The following PEX14 variants were observed in gnomAD, a reference collection of about 807,000 sequenced individuals.
The protein encoded by PEX14 is peroxisomal biogenesis factor 14.
Under a neutral mutation model 49.5 loss-of-function variants are expected in PEX14, and 15 were observed. That is an observed-to-expected ratio of 0.30 (90% confidence interval 0.20 to 0.47). The LOEUF (loss-of-function observed/expected upper bound fraction) is 0.47, where lower values mean the gene tolerates loss of function less well. Among genes scored for constraint, PEX14 ranks in the 20% least tolerant of loss-of-function variants. The probability of loss-of-function intolerance (pLI) is 1.00; values close to 1 mark genes in which losing one functional copy is unlikely to be tolerated. For synonymous variants in PEX14, 210 were observed against 212.7 expected, an observed-to-expected ratio of 0.99 and a Z score of 0.11; for missense variants, 398 against 494.8, an observed-to-expected ratio of 0.80 and a Z score of 1.86.
intron 3 of PEX14, among the ~76,000 whole-genome samples, chr1:10,536,730 G>T (rs1028235050): frequency 6.6e-6 from 1 of 152,190 alleles, no homozygotes; most frequent in African/African-American, 2.4e-5. Flanking sequence ...ACAAGGTCAG[G>T]TTAAACTCAA....
intron 2 of PEX14, among the ~76,000 whole-genome samples, chr1:10,508,992 A>G (rs1173400543): frequency 2.0e-5 from 3 of 151,354 alleles, no homozygotes; most frequent in Non-Finnish European, 2.9e-5. Context: ...GCTAGAGTGC[A>G]GTGGTGCGAT....
At position 10,599,349 on chromosome 1, in the gene PEX14, T is replaced by A. The variant is rs1640920550; in HGVS notation, c.281T>A (p.Leu94His). 1 of 1,614,014 alleles carries A rather than the reference T, an allele frequency of 6.2e-7. No homozygotes were observed. Among genetic ancestry groups the A allele is most frequent in the African/African-American group, 1.3e-5 (1 of 74,910 alleles). ...TQVVPVQPPH[L>H]ISQPYSPAGS... Reference sequence around the variant, plus strand: ...GTGGTTCCTGTCCAGCCCCCTCACCTCATATCTCAGCCATACAGTAAGTCA... The same window carrying A: ...GTGGTTCCTGTCCAGCCCCCTCACCACATATCTCAGCCATACAGTAAGTCA... The change falls in exon 4 of 9, where the codon CTC becomes CAC. Residue 94 changes from leucine (L) to histidine (H), a missense_variant. Around this residue, in one of 3 missense-constraint regions of PEX14, gnomAD observed 202 missense variants for 298.5 expected, o/e 0.68. Transcript: ENST00000356607.
chr1:10,560,436 T>A (rs1236153046), intron 3 of PEX14, among the ~76,000 whole-genome samples: 1 of 152,176 alleles, frequency 6.6e-6, no homozygotes, highest in Admixed American at 6.5e-5. Context: ...TTTTCTTTCT[T>A]TCTTTTTTGG....
At chr1:10,614,057 A>C (rs901540017) in intron 4 of PEX14, among the ~76,000 whole-genome samples, 1 of 152,208 alleles carries the variant, frequency 6.6e-6, no homozygotes, top group African/African-American at 2.4e-5. Flanking sequence ...CAGACTTGGA[A>C]AAAATAGGCC....
chr1:10,619,479 G>A (rs911469146), intron 5 of PEX14, among the ~76,000 whole-genome samples: 1 of 152,004 alleles, frequency 6.6e-6, no homozygotes, highest in Admixed American at 6.6e-5. Flanking sequence ...TGCATGCCTG[G>A]CTAATTTTTG....
chr1:10,512,819 T>C lies in PEX14; in HGVS notation c.84+17498T>C, dbSNP rs1170105391. Among the ~76,000 whole-genome samples, 3 of 152,166 alleles carry C rather than the reference T, an allele frequency of 2.0e-5. No individual in the cohort carries two copies. The South Asian group carries it at 6.2e-4, about 31-fold the overall frequency. ...GTTCAAGCGATTCCCTGCCTCAGCCTCCTGAGTAGCTGGGACTACAGGCGT... is the reference window on the plus strand; with the variant it reads ...GTTCAAGCGATTCCCTGCCTCAGCCCCCTGAGTAGCTGGGACTACAGGCGT... On this transcript the variant is annotated intron_variant, in intron 2 of 8. Transcript: ENST00000356607. The surrounding 1 kb of genome is among the most constrained non-coding windows in gnomAD (Gnocchi z 4.6).
intron 2 of PEX14, among the ~76,000 whole-genome samples, chr1:10,531,867 G>T (rs1485443634): frequency 6.6e-6 from 1 of 152,102 alleles, no homozygotes; most frequent in Non-Finnish European, 1.5e-5. Flanking sequence ...CTGTCCTCCT[G>T]TCCCCCTCGT....
intron 3 of PEX14, among the ~76,000 whole-genome samples, chr1:10,584,799 C>T (rs1640431380): frequency 6.6e-6 from 1 of 152,144 alleles, no homozygotes; most frequent in Non-Finnish European, 1.5e-5. Context: ...AAGGAGTTTT[C>T]AGGCAGAGAG....
chr1:10,518,840 A>G (rs770955632), intron 2 of PEX14, among the ~76,000 whole-genome samples: 3 of 152,114 alleles, frequency 2.0e-5, no homozygotes, highest in Non-Finnish European at 2.9e-5. Flanking sequence ...TTCCTGGCAC[A>G]AGGATTTCAT....
chr1:10,533,326 G>A (rs1638702670), intron 2 of PEX14, among the ~76,000 whole-genome samples: 1 of 152,122 alleles, frequency 6.6e-6, no homozygotes. Context: ...TATACTTTAT[G>A]TAGGTGTTTG....
At chr1:10,520,155 TTTTTTTTG>T (rs1401436628) in intron 2 of PEX14, among the ~76,000 whole-genome samples, 1 of 92,236 alleles carries the variant, frequency 1.1e-5, no homozygotes, top group African/African-American at 3.5e-5. Flanking sequence ...CTTCTTTTTT[TTTTTTTTG>T]TTTTTTTAAC....
intron 3 of PEX14, among the ~76,000 whole-genome samples, chr1:10,575,845 A>T (rs903714585): frequency 6.6e-6 from 1 of 152,196 alleles, no homozygotes; most frequent in Non-Finnish European, 1.5e-5. Flanking sequence ...CTCTGGGCAC[A>T]TAGTGATAGT....
At chr1:10,566,692 T>A (rs1639815087) in intron 3 of PEX14, among the ~76,000 whole-genome samples, 1 of 152,084 alleles carries the variant, frequency 6.6e-6, no homozygotes, top group South Asian at 2.1e-4. Context: ...TTTGTTTTGT[T>A]TTTTAGTAGA....
chr1:10,511,093 G>A (rs1001151802), intron 2 of PEX14, among the ~76,000 whole-genome samples: 14 of 85,518 alleles, frequency 1.6e-4, no homozygotes, highest in Admixed American at 1.2e-3. Flanking sequence ...CAGCAGAGCT[G>A]CTGGTTTGTC....
At chr1:10,596,374 C>T (rs115000081) in intron 3 of PEX14, among the ~76,000 whole-genome samples, 6 of 152,170 alleles carry the variant, frequency 3.9e-5, no homozygotes, top group African/African-American at 1.2e-4. Context: ...GTTGTCCAGG[C>T]GTCATTTACA....
intron 4 of PEX14, among the ~76,000 whole-genome samples, chr1:10,610,398 C>CACACAT (rs70997260): frequency 0.2 from 27,613 of 139,772 alleles, 3,249 homozygotes; most frequent in Admixed American, 0.35. Context: ...CACACACACA[C>CACACAT]ATATATATAT....
chr1:10,555,823 C>T (rs1185300544), intron 3 of PEX14, among the ~76,000 whole-genome samples: 8 of 152,274 alleles, frequency 5.3e-5, no homozygotes, highest in South Asian at 2.1e-4. Context: ...CACCTGTGGC[C>T]GGGCGTTGCA....
At chr1:10,519,142 G>A (rs1272359127) in intron 2 of PEX14, among the ~76,000 whole-genome samples, 1 of 151,954 alleles carries the variant, frequency 6.6e-6, no homozygotes, top group Non-Finnish European at 1.5e-5. Flanking sequence ...CCGAGTAGAG[G>A]GCCTCCCCCT....
At chr1:10,497,951 T>A (rs1641598313) in intron 2 of PEX14, among the ~76,000 whole-genome samples, 1 of 152,246 alleles carries the variant, frequency 6.6e-6, no homozygotes. Context: ...CCAGACTAGA[T>A]GATCACTTTG....
Sources: gnomAD v4.1 joint callset for allele counts (sites outside exome capture counted in the v4.1 genomes callset) on GRCh38, gnomAD v4.1.1 for gene constraint, gnomAD v4.1.1 regional missense constraint, Gnocchi (gnomAD v3.1) non-coding constraint, MANE v1.5 for transcripts, NCBI Gene and HGNC (gene_info 2026-07-23, HGNC 2026-07-21) for gene names.